The following PTCH1 variants were observed in gnomAD, a reference collection of about 807,000 sequenced individuals.
PTCH1 encodes the protein patched 1.
In PTCH1, 14 loss-of-function variants were observed where a neutral mutation model predicts 144.6. That is an observed-to-expected ratio of 0.10 (90% confidence interval 0.06 to 0.15). The LOEUF (loss-of-function observed/expected upper bound fraction) is 0.15. Among genes scored for constraint, PTCH1 ranks in the 10% least tolerant of loss-of-function variants. The pLI, the probability that PTCH1 is intolerant of heterozygous loss-of-function variation, is 1.00. For missense variants in PTCH1, 1,623 were observed against 1,948.3 expected (o/e 0.83, Z 3.14); for synonymous variants, 833 against 793.6 (o/e 1.05, Z -0.83).
intron 22 of PTCH1, among the ~76,000 whole-genome samples, 169 bp downstream of exon 22, chr9:95,448,900 A>C (rs905389475): frequency 6.6e-6 from 1 of 152,232 alleles, no homozygotes; most frequent in East Asian, 1.9e-4. Context: ...ATAGTTGAGA[A>C]AGAGTTAAAT....
chr9:95,501,720 A>G (rs76943660), intron 2 of PTCH1, among the ~76,000 whole-genome samples: 309 of 152,296 alleles, frequency 2.0e-3, no homozygotes, highest in Non-Finnish European at 3.9e-3. Flanking sequence ...AAAGAAATAA[A>G]TGAATGTTCT....
chr9:95,452,652 C>G (rs1838565853), intron 20 of PTCH1: 2 of 152,238 alleles, frequency 1.3e-5, no homozygotes, highest in African/African-American at 4.8e-5. Flanking sequence ...AAACGACTTG[C>G]CTTGAGATCC....
At chr9:95,516,454 G>C (rs1306490195) in intron 1 of PTCH1, 1 of 1,413,232 alleles carries the variant, frequency 7.1e-7, no homozygotes, top group Non-Finnish European at 9.2e-7. Context: ...CGGCCGCCGC[G>C]CTGGCTGCAC....
At chr9:95,482,696 C>T (rs28372566) in intron 3 of PTCH1, 22,835 of 199,294 alleles carry the variant, frequency 0.11, 1,459 homozygotes, top group African/African-American at 0.16. Context: ...TAAACAACAA[C>T]ATGTGCCAGG....
intron 2 of PTCH1, among the ~76,000 whole-genome samples, chr9:95,504,730 C>A (rs1192219188): frequency 6.6e-6 from 1 of 152,202 alleles, no homozygotes; most frequent in East Asian, 1.9e-4. Context: ...GCCCTCCTTC[C>A]CCTACCGTCT....
chr9:95,512,634 T>G (rs1483825877), upstream of PTCH1, among the ~76,000 whole-genome samples: 1 of 152,198 alleles, frequency 6.6e-6, no homozygotes, highest in Non-Finnish European at 1.5e-5. Flanking sequence ...GTAAGCATTG[T>G]CGGCTTTAAT....
At position 95,449,189 on chromosome 9, in the gene PTCH1, C is replaced by T. The variant is rs2136599643; in HGVS notation, c.3684G>A (p.Gln1228=). The change falls in exon 22 of 24, where the codon CAG becomes CAA. Residue 1228 remains glutamine, a synonymous_variant. Transcript: ENST00000331920. The surrounding 1 kb of genome is among the most constrained non-coding windows in gnomAD (Gnocchi z 5.3). ...CCTCGCTGAGGCCTGACACTGTCGT[C>T]TGGGAACTATACTCCGAGTCGGAGG... ...SDSSDSEYSS[Q]TTVSGLSEEL... 6.2e-7 allele frequency: 1 copy of T among 1,611,644 alleles called. No individual in the cohort carries two copies. The highest frequency in any genetic ancestry group is 8.5e-7 in the Non-Finnish European group (1 of 1,178,908).
chr9:95,449,810 A>C lies in PTCH1; in HGVS notation c.3549+31T>G. The C allele has an allele frequency of 6.4e-7, 1 of 1,567,102 alleles. No individual in the cohort carries two copies. On this transcript the variant is annotated intron_variant, in intron 21 of 23. Coordinates refer to ENST00000331920, the MANE Select transcript of PTCH1 (RefSeq NM_000264.5). The surrounding 1 kb of genome is among the most constrained non-coding windows in gnomAD (Gnocchi z 5.3). ...AGGAAACACAGCATTCAGCCGGCCT[A>C]CACGTGGGACATCCCCGTGTCACTA...
At chr9:95,509,913 A>G (rs1368829618), upstream of PTCH1, among the ~76,000 whole-genome samples, 1 of 152,056 alleles carries the variant, frequency 6.6e-6, no homozygotes. Context: ...GATAAACAGA[A>G]TGGAAAGTTA....
At chr9:95,482,450 G>A (rs1841623207) in intron 3 of PTCH1, 1 of 543,944 alleles carries the variant, frequency 1.8e-6, no homozygotes, top group Admixed American at 3.2e-5. Context: ...GAAAAGTCTT[G>A]TTTTCTTAAG....
In PTCH1 at chr9:95,447,133, C is replaced by T. The variant is rs769022340; in HGVS notation, c.4123G>A (p.Ala1375Thr). 4.3e-6 allele frequency: 7 copies of T among 1,613,152 alleles called. No individual in the cohort carries two copies. The highest frequency in any genetic ancestry group is 1.1e-5 in the South Asian group (1 of 91,074). ...CQPITTVTAS[A>T]SVTVAVHPPP... ...GGGTGCACGGCGACAGTCACGGAGGCAGAAGCCGTCACAGTGGTGATGGGC... is the reference window on the plus strand; with the variant it reads ...GGGTGCACGGCGACAGTCACGGAGGTAGAAGCCGTCACAGTGGTGATGGGC... Residue 1375 changes from alanine to threonine, a missense_variant, in exon 23 of 24, where the codon GCC (alanine) becomes ACC (threonine). Around this residue, in one of 7 missense-constraint regions of PTCH1, gnomAD observed 291 missense variants for 287.4 expected, o/e 1.01. Transcript: ENST00000331920.
chr9:95,483,345 G>A, intron 3 of PTCH1: 1 of 148,760 alleles, frequency 6.7e-6, no homozygotes, highest in African/African-American at 2.5e-5. Context: ...GTGTGTTAGG[G>A]AGATCAGTCT....
chr9:95,446,799 G>T (rs1765026069), intron 23 of PTCH1, 112 bp downstream of exon 23: 2 of 1,402,914 alleles, frequency 1.4e-6, no homozygotes, highest in Non-Finnish European at 2.0e-6. Context: ...GTCCAGCGTG[G>T]GATGTGCCCG....
At position 95,482,172 on chromosome 9, in the gene PTCH1, A is replaced by G. The variant is rs1299359988; in HGVS notation, c.616T>C (p.Ser206Pro). 1 of 1,614,166 alleles carries G rather than the reference A, an allele frequency of 6.2e-7. No individual in the cohort carries two copies. Among genetic ancestry groups the G allele is most frequent in the East Asian group, 2.2e-5 (1 of 44,872 alleles). The change falls in exon 4 of 24, where the codon TCA (serine) becomes CCA (proline). Residue 206 changes from serine to proline, a missense_variant. Ser to Pro is a moderately conservative substitution (Grantham distance 74). Around this residue, in one of 7 missense-constraint regions of PTCH1, gnomAD observed 39 missense variants for 75.6 expected, o/e 0.52. Coordinates refer to ENST00000331920, the MANE Select transcript of PTCH1 (RefSeq NM_000264.5). The stretch of plus-strand genomic sequence containing the variant: ...CCTGTTTCTGTGATAAGCTCTCCTG[A>G]TTTGTAACACAAATGTTCCAATTTC... Reference protein sequence around the residue: ...QWKLEHLCYKSGELITETGYM... With the variant: ...QWKLEHLCYKPGELITETGYM...
chr9:95,473,346 A>T (rs1030453318), intron 12 of PTCH1, among the ~76,000 whole-genome samples: 2 of 152,198 alleles, frequency 1.3e-5, no homozygotes, highest in African/African-American at 4.8e-5. Flanking sequence ...TTTGATGTTT[A>T]ATCTGTAGCA....
chr9:95,459,799 G>A lies in PTCH1; in HGVS notation c.2704-16C>T, dbSNP rs2136673605. 1 of 1,613,660 alleles carries A rather than the reference G, an allele frequency of 6.2e-7. No individual in the cohort carries two copies. The highest frequency in any genetic ancestry group is 1.7e-4 in the Middle Eastern group (1 of 6,058). Reference sequence around the variant, plus strand: ...GTTTAGTCAACTACAAAAACGGGAAGAACAGAGGCCTTTGAGAATGGGGTT... The same window carrying A: ...GTTTAGTCAACTACAAAAACGGGAAAAACAGAGGCCTTTGAGAATGGGGTT... On this transcript the variant is annotated splice_polypyrimidine_tract_variant and intron_variant, in intron 16 of 23. Transcript: ENST00000331920.
intron 2 of PTCH1, among the ~76,000 whole-genome samples, chr9:95,497,894 A>AC (rs1239250212): frequency 9.9e-5 from 13 of 131,706 alleles, no homozygotes; most frequent in Non-Finnish European, 2.1e-4. Flanking sequence ...CAGAGGGTTT[A>AC]CCCCCCCACC....
chr9:95,514,633 T>TGC (rs1844286601), intron 1 of PTCH1: 1 of 135,612 alleles, frequency 7.4e-6, no homozygotes, highest in Non-Finnish European at 1.6e-5. Context: ...TGTGTGTGTG[T>TGC]GTGTGTGTGT....
rs1837674135 is a variant in PTCH1 at position 95,444,053 on chromosome 9, A to C, written c.*2340T>G. 6.6e-6 allele frequency: 1 copy of C among 152,608 alleles called. No individual in the cohort carries two copies. The highest frequency in any genetic ancestry group is 2.4e-5 in the African/African-American group (1 of 41,444). 9.5% of individuals were successfully genotyped at this position (152,608 alleles called of 1,614,324 possible). A position where few individuals can be genotyped will look rare whatever the true frequency, so the allele number is the denominator to read the frequency against. ...TTTTTGTTATAAACTGGCATGACAAATACTGTAGAGGAAAACATTCTTATG... is the reference window on the plus strand; with the variant it reads ...TTTTTGTTATAAACTGGCATGACAACTACTGTAGAGGAAAACATTCTTATG... On this transcript the variant is annotated 3_prime_UTR_variant, in exon 24 of 24. Transcript: ENST00000331920.
Sources: allele counts gnomAD v4.1 joint callset (sites outside exome capture counted in the v4.1 genomes callset), GRCh38; gene constraint gnomAD v4.1.1; regional missense constraint gnomAD v4.1.1; non-coding constraint Gnocchi (gnomAD v3.1); transcripts MANE v1.5; gene names NCBI Gene and HGNC (gene_info 2026-07-23, HGNC 2026-07-21).